HDAC9: variants seen among roughly 807,000 people sequenced by gnomAD.
The protein encoded by HDAC9 is MEF-2 interacting transcription repressor (MITR) protein.
Under a neutral mutation model 139.4 loss-of-function variants are expected in HDAC9, and 41 were observed. The observed-to-expected ratio is 0.29, with a 90% confidence interval of 0.23 to 0.38. The LOEUF is 0.38. Among genes scored for constraint, HDAC9 ranks in the 10% least tolerant of loss-of-function variants. The probability of loss-of-function intolerance (pLI) is 1.00; values close to 1 mark genes in which losing one functional copy is unlikely to be tolerated. For synonymous variants in HDAC9, 517 were observed against 476.2 expected, an observed-to-expected ratio of 1.09 and a Z score of -1.12; for missense variants, 1,147 against 1,297.0, an observed-to-expected ratio of 0.88 and a Z score of 1.78.
intron 1 of HDAC9, among the ~76,000 whole-genome samples, chr7:18,451,634 G>GGTATCCACTGATTTATGTGGATATTATTT (rs1792877040): frequency 6.6e-6 from 1 of 151,810 alleles, no homozygotes; most frequent in East Asian, 1.9e-4. Flanking sequence ...TGGATATAGA[G>GGTATCCACTGATTTATGTGGATATTATTT]GTATCCACTG....
chr7:18,949,951 C>A (rs947587124), intron 23 of HDAC9, among the ~76,000 whole-genome samples: 20 of 151,798 alleles, frequency 1.3e-4, no homozygotes, highest in African/African-American at 4.6e-4. Flanking sequence ...TTAAACAAAC[C>A]AAATACCTAG....
intron 8 of HDAC9, among the ~76,000 whole-genome samples, chr7:18,639,979 C>T (rs1562701079): frequency 6.6e-6 from 1 of 152,002 alleles, no homozygotes; most frequent in African/African-American, 2.4e-5. Flanking sequence ...GGCTGCTCCT[C>T]ACCAAAATTC....
intron 2 of HDAC9, among the ~76,000 whole-genome samples, chr7:18,214,355 C>G (rs1792148178): frequency 6.6e-6 from 1 of 152,040 alleles, no homozygotes; most frequent in East Asian, 1.9e-4. Flanking sequence ...ACTAGGGCTG[C>G]TTTTTCAGAG....
rs952533464 is a variant in HDAC9, at chr7:18,213,701, T to G, written c.25+51352T>G. 2.0e-5 allele frequency among the ~76,000 whole-genome samples: 3 copies of G among 152,168 alleles called. No individual in the cohort carries two copies. The East Asian group carries it at 5.8e-4, about 29-fold the overall frequency. On this transcript the variant is annotated intron_variant, in intron 2 of 12. Transcript: ENST00000417496. The stretch of plus-strand genomic sequence containing the variant: ...AGACCTAAACTCAGATACAGCCTAC[T>G]TTTAGGAGATGTGAAACTATCAATT...
intron 1 of HDAC9, among the ~76,000 whole-genome samples, chr7:18,294,801 AAACTATTTCAAT>A (rs1798035539): frequency 1.3e-5 from 2 of 152,170 alleles, no homozygotes; most frequent in South Asian, 4.1e-4. Flanking sequence ...ATAGGTTAGA[AAACTATTTCAAT>A]AGCTTAGTCC....
At chr7:18,933,108 TC>T (rs1228093863) in intron 22 of HDAC9, among the ~76,000 whole-genome samples, 1 of 152,144 alleles carries the variant, frequency 6.6e-6, no homozygotes, top group African/African-American at 2.4e-5. Context: ...GTGTCTTAGT[TC>T]AGGCTGCTGT....
intron 1 of HDAC9, among the ~76,000 whole-genome samples, chr7:18,340,461 T>TA (rs1562894559): frequency 1.3e-5 from 2 of 151,618 alleles, no homozygotes; most frequent in East Asian, 3.9e-4. Flanking sequence ...TGTACCTTTT[T>TA]ATGGGTTGAT....
intron 12 of HDAC9, among the ~76,000 whole-genome samples, chr7:18,707,465 G>T (rs1046710821): frequency 6.6e-6 from 1 of 151,984 alleles, no homozygotes; most frequent in South Asian, 2.1e-4. Context: ...CTAATAAAAA[G>T]GTATGAAAAT....
At chr7:18,287,041 C>T (rs1797496499), upstream of HDAC9, among the ~76,000 whole-genome samples, 1 of 152,178 alleles carries the variant, frequency 6.6e-6, no homozygotes, top group South Asian at 2.1e-4. Context: ...TTAATTTTTA[C>T]ATCTGATCTT....
chr7:18,439,900 ATCT>A (rs1004107319), intron 1 of HDAC9, among the ~76,000 whole-genome samples: 10 of 152,176 alleles, frequency 6.6e-5, no homozygotes, highest in African/African-American at 1.7e-4. Flanking sequence ...AAAAATTCAA[ATCT>A]TCTATTTTTT....
intron 2 of HDAC9, among the ~76,000 whole-genome samples, chr7:18,579,614 C>G (rs563454754): frequency 6.6e-6 from 1 of 152,092 alleles, no homozygotes; most frequent in African/African-American, 2.4e-5. Context: ...GTAAAAATAA[C>G]GTAGGAATAA....
At chr7:18,543,851 A>G (rs557657470) in intron 2 of HDAC9, among the ~76,000 whole-genome samples, 8 of 151,734 alleles carry the variant, frequency 5.3e-5, no homozygotes, top group African/African-American at 1.9e-4. Flanking sequence ...GGAACAGCAT[A>G]TTTAAAAGTC....
At chr7:18,125,905 G>A (rs1188643526) in intron 1 of HDAC9, among the ~76,000 whole-genome samples, 28 of 152,158 alleles carry the variant, frequency 1.8e-4, no homozygotes, top group Non-Finnish European at 2.6e-4. Flanking sequence ...CTTTGTAAGT[G>A]GTGCCGAAAC....
chr7:18,445,376 ATTT>A (rs970710328), intron 1 of HDAC9, among the ~76,000 whole-genome samples: 27 of 151,980 alleles, frequency 1.8e-4, no homozygotes, highest in African/African-American at 6.3e-4. Context: ...ATATATTTAT[ATTT>A]TTTTATGATA....
intron 1 of HDAC9, among the ~76,000 whole-genome samples, chr7:18,451,170 C>T (rs1488867203): frequency 6.6e-6 from 1 of 152,120 alleles, no homozygotes; most frequent in African/African-American, 2.4e-5. Flanking sequence ...CCCCTTTGCC[C>T]TTTCATCATG....
chr7:18,538,934 G>C (rs556183902), intron 2 of HDAC9, among the ~76,000 whole-genome samples: 1 of 152,168 alleles, frequency 6.6e-6, no homozygotes, highest in Non-Finnish European at 1.5e-5. Context: ...TTTACTGTGT[G>C]ATGCAGAGGC....
intron 21 of HDAC9, among the ~76,000 whole-genome samples, chr7:18,850,131 A>G (rs1186517761): frequency 2.0e-5 from 3 of 151,982 alleles, no homozygotes; most frequent in East Asian, 1.9e-4. Context: ...ACGAAGCATT[A>G]TTTACATGGA....
chr7:18,333,612 C>T (rs1781370245), intron 1 of HDAC9, among the ~76,000 whole-genome samples: 2 of 151,362 alleles, frequency 1.3e-5, no homozygotes, highest in African/African-American at 4.8e-5. Context: ...AAATGGTGCA[C>T]CTTATGAGGT....
chr7:18,266,422 C>CTG (rs1008306678), intron 2 of HDAC9, among the ~76,000 whole-genome samples: 17 of 150,626 alleles, frequency 1.1e-4, no homozygotes, highest in Non-Finnish European at 2.2e-4. Flanking sequence ...AATGTTTTTT[C>CTG]TGTTTTTAAG....
Sources: gnomAD v4.1 joint callset for allele counts (sites outside exome capture counted in the v4.1 genomes callset) on GRCh38, gnomAD v4.1.1 for gene constraint, MANE v1.5 for transcripts, NCBI Gene and HGNC (gene_info 2026-07-23, HGNC 2026-07-21) for gene names.